Variants in STXBP5 observed in about 807,000 individuals in gnomAD.
The protein encoded by STXBP5 is syntaxin binding protein 5.
Under a neutral mutation model 152.4 loss-of-function variants are expected in STXBP5, and 50 were observed. The ratio of observed to expected loss-of-function variants is 0.33; its 90% CI spans 0.26 to 0.42. The LOEUF (loss-of-function observed/expected upper bound fraction) is 0.42, where lower values mean the gene tolerates loss of function less well. Among genes scored for constraint, STXBP5 ranks in the 10% least tolerant of loss-of-function variants. The pLI is 1.00. For synonymous variants in STXBP5, 492 were observed against 494.7 expected, an observed-to-expected ratio of 0.99 and a Z score of 0.07; for missense variants, 1,167 against 1,388.6, an observed-to-expected ratio of 0.84 and a Z score of 2.54.
At chr6:147,317,614 C>G (rs559929711) in intron 16 of STXBP5, among the ~76,000 whole-genome samples, 218 of 152,266 alleles carry the variant, frequency 1.4e-3, no homozygotes, top group African/African-American at 4.9e-3. Flanking sequence ...GGATGAGAAC[C>G]TCTGATCCAA....
At chr6:147,370,992 T>C (rs1472307664) in intron 25 of STXBP5, among the ~76,000 whole-genome samples, 1 of 152,062 alleles carries the variant, frequency 6.6e-6, no homozygotes, top group Non-Finnish European at 1.5e-5. Context: ...TCCTAAATTT[T>C]ACCATTCTAA....
intron 18 of STXBP5, chr6:147,328,801 G>C: frequency 2.1e-6 from 1 of 468,202 alleles, no homozygotes; most frequent in Non-Finnish European, 4.4e-6. Flanking sequence ...TTTATGCCTT[G>C]GCATGTTTGT....
At chr6:147,297,480 G>C (rs1781584994) in intron 9 of STXBP5, among the ~76,000 whole-genome samples, 1 of 152,066 alleles carries the variant, frequency 6.6e-6, no homozygotes, top group Admixed American at 6.6e-5. Context: ...GAAGTGAAAA[G>C]CAGGTAATTA....
intron 9 of STXBP5, among the ~76,000 whole-genome samples, chr6:147,306,396 A>AG (rs1782092882): frequency 6.6e-6 from 1 of 152,200 alleles, no homozygotes; most frequent in Non-Finnish European, 1.5e-5. Flanking sequence ...GGGCTGGGAA[A>AG]GGTTTCTCTG....
rs549510009 is a variant in STXBP5 at position 147,372,239 on chromosome 6, G to A, written c.3082-1492G>A. On this transcript the variant is annotated intron_variant, in intron 25 of 27. Coordinates refer to ENST00000321680, the MANE Select transcript of STXBP5 (RefSeq NM_001127715.4). ...TATGCAATCTGGGTGGAGGGATAATGTTAATATGGATATGTCTAAAAGAAA... is the reference window on the plus strand; with the variant it reads ...TATGCAATCTGGGTGGAGGGATAATATTAATATGGATATGTCTAAAAGAAA... Among the ~76,000 whole-genome samples, 109 of 151,948 alleles carry A rather than the reference G, an allele frequency of 7.2e-4. 2 individuals are homozygous for A. Among genetic ancestry groups the A allele is most frequent in the African/African-American group, 2.6e-3 (107 of 41,468 alleles).
At chr6:147,209,634 A>G (rs1055849784) in intron 2 of STXBP5, among the ~76,000 whole-genome samples, 8 of 152,198 alleles carry the variant, frequency 5.3e-5, no homozygotes, top group African/African-American at 1.7e-4. Context: ...CCTTCCTTCA[A>G]AAAGTTTCCA....
At chr6:147,251,528 C>A (rs529254252) in intron 4 of STXBP5, among the ~76,000 whole-genome samples, 1 of 152,320 alleles carries the variant, frequency 6.6e-6, no homozygotes, top group East Asian at 1.9e-4. Flanking sequence ...CCCAGCCAGA[C>A]TGCCTCTCTA....
intron 2 of STXBP5, among the ~76,000 whole-genome samples, chr6:147,206,898 T>C (rs1385076324): frequency 2.0e-5 from 3 of 152,086 alleles, no homozygotes; most frequent in African/African-American, 7.2e-5. Flanking sequence ...CTTTGAAACA[T>C]ACTTAACCTA....
chr6:147,209,734 G>A (rs1484276411), intron 2 of STXBP5, among the ~76,000 whole-genome samples: 1 of 152,112 alleles, frequency 6.6e-6, no homozygotes, highest in Non-Finnish European at 1.5e-5. Flanking sequence ...CAGGTTACAT[G>A]TAAATTTGTT....
intron 22 of STXBP5, among the ~76,000 whole-genome samples, chr6:147,353,797 G>A (rs1229615394): frequency 6.6e-6 from 1 of 151,996 alleles, no homozygotes; most frequent in Non-Finnish European, 1.5e-5. Context: ...GTGAATCATA[G>A]CAAGAATCAT....
rs1401789905 is a variant in STXBP5 at position 147,305,656 on chromosome 6, A to T, written c.918-4428A>T. On this transcript the variant is annotated intron_variant, in intron 9 of 27. Coordinates refer to ENST00000321680, the MANE Select transcript of STXBP5 (RefSeq NM_001127715.4). ...TAGACTTTTCAAATTAGGTATTAAT[A>T]GTTTATGTTTGAAATTTGAGTTAAG... is the stretch of plus-strand genomic sequence containing the variant. Among the ~76,000 whole-genome samples the T allele has an allele frequency of 3.3e-5, 5 of 152,192 alleles. No individual in the cohort carries two copies. In the East Asian group the frequency reaches 9.6e-4, roughly 29 times the overall value.
At chr6:147,231,685 A>G (rs570201138) in intron 2 of STXBP5, among the ~76,000 whole-genome samples, 1 of 152,026 alleles carries the variant, frequency 6.6e-6, no homozygotes, top group East Asian at 1.9e-4. Flanking sequence ...TAAATTTGCA[A>G]GAATGTTCAG....
At chr6:147,256,686 G>A (rs774726858) in intron 4 of STXBP5, among the ~76,000 whole-genome samples, 2 of 152,180 alleles carry the variant, frequency 1.3e-5, no homozygotes, top group Admixed American at 6.5e-5. Context: ...GTTTAAATTA[G>A]GCTCAGGCCG....
At chr6:147,282,619 A>G (rs1219928892) in intron 8 of STXBP5, among the ~76,000 whole-genome samples, 1 of 152,172 alleles carries the variant, frequency 6.6e-6, no homozygotes, top group Non-Finnish European at 1.5e-5. Flanking sequence ...TCTGTATGGT[A>G]CATCTAGGAG....
chr6:147,325,114 C>A, intron 17 of STXBP5, 30 bp downstream of exon 17: 3 of 1,465,530 alleles, frequency 2.0e-6, no homozygotes, highest in South Asian at 3.0e-5. Context: ...TTTTCTAAGT[C>A]TCTTCATAGT....
chr6:147,235,401 T>G, intron 3 of STXBP5, 70 bp downstream of exon 3: 1 of 1,201,194 alleles, frequency 8.3e-7, no homozygotes, highest in Non-Finnish European at 1.2e-6. Flanking sequence ...TCAGATTTCT[T>G]ACATGCATTC....
At chr6:147,328,488 C>G (rs117704602) in intron 18 of STXBP5, among the ~76,000 whole-genome samples, 4 of 152,178 alleles carry the variant, frequency 2.6e-5, no homozygotes, top group Non-Finnish European at 5.9e-5. Context: ...GCAAATTTTA[C>G]AATTCATGGG....
intron 4 of STXBP5, among the ~76,000 whole-genome samples, chr6:147,258,895 T>G (rs940234866): frequency 6.6e-6 from 1 of 152,108 alleles, no homozygotes; most frequent in African/African-American, 2.4e-5. Context: ...TTGTTTTGTT[T>G]GGTTGCAACT....
chr6:147,362,378 C>T (rs1223438208), intron 23 of STXBP5, among the ~76,000 whole-genome samples: 4 of 152,126 alleles, frequency 2.6e-5, no homozygotes, highest in African/African-American at 9.7e-5. Flanking sequence ...CAGCTATCTA[C>T]CCTGCCTTCC....
Sources: gnomAD v4.1 joint callset for allele counts (sites outside exome capture counted in the v4.1 genomes callset) on GRCh38, gnomAD v4.1.1 for gene constraint, MANE v1.5 for transcripts, NCBI Gene and HGNC (gene_info 2026-07-23, HGNC 2026-07-21) for gene names.